Variants in TSPOAP1 observed in about 807,000 individuals in gnomAD.
The protein encoded by TSPOAP1 is TSPO associated protein 1.
TSPOAP1 carries 87 observed loss-of-function variants against 197.0 expected under a neutral mutation model. That is an observed-to-expected ratio of 0.44 (90% CI 0.37 to 0.53). TSPOAP1 has a LOEUF of 0.53. TSPOAP1 is among the 20% of genes least tolerant of loss of function. The pLI, the probability that TSPOAP1 is intolerant of heterozygous loss-of-function variation, is 0.00. For synonymous variants in TSPOAP1, 913 were observed against 998.9 expected (o/e 0.91, Z 1.62); for missense variants, 2,174 against 2,411.3 (o/e 0.90, Z 2.06).
chr17:58,310,223 G>A, intron 20 of TSPOAP1, 65 bp from the exon 21 acceptor site: 1 of 1,511,106 alleles, frequency 6.6e-7, no homozygotes, highest in South Asian at 1.2e-5. Flanking sequence ...GTTCCAGGCA[G>A]GGTCAGCCCC....
At position 58,316,150 on chromosome 17, in the gene TSPOAP1, G is replaced by A. The variant is rs1001381059; in HGVS notation, c.1989-18C>T. The A allele has an allele frequency of 1.4e-6, 2 of 1,419,830 alleles. No individual in the cohort carries two copies. The highest frequency in any genetic ancestry group is 2.0e-6 in the Non-Finnish European group (2 of 1,017,136). The allele number at this position is 1,419,830 out of a possible 1,614,324, so 88.0% of individuals were successfully genotyped here. On this transcript the variant is annotated intron_variant, in intron 15 of 31. Coordinates refer to ENST00000343736, the MANE Select transcript of TSPOAP1 (RefSeq NM_004758.4). ...GGTTGTAGCTGTTAGGGGAGGCACA[G>A]AGGAGGAGGAGGAGAGTGACCTACA...
In TSPOAP1 at chr17:58,309,722, G is replaced by T. The variant is rs1479730397; in HGVS notation, c.3891+245C>A. Among the ~76,000 whole-genome samples, 1 of 152,218 alleles carries T rather than the reference G, an allele frequency of 6.6e-6. No homozygotes were observed. Among genetic ancestry groups the T allele is most frequent in the African/African-American group, 2.4e-5 (1 of 41,442 alleles). On this transcript the variant is annotated intron_variant, in intron 21 of 31. Coordinates refer to ENST00000343736, the MANE Select transcript of TSPOAP1 (RefSeq NM_004758.4). This position sits in a 1 kb window ranked among gnomAD's most constrained non-coding sequence, Gnocchi z 5.0. ...GGTGGCACCGGCCTCCCCTGGCCAGGGCGCTGTATCTGGTGGGCTGGAGGG... is the reference window on the plus strand; with the variant it reads ...GGTGGCACCGGCCTCCCCTGGCCAGTGCGCTGTATCTGGTGGGCTGGAGGG...
chr17:58,302,119 C>G lies in TSPOAP1; in HGVS notation c.*361G>C. 1 of 692,564 alleles carries G rather than the reference C, an allele frequency of 1.4e-6. No individual in the cohort carries two copies. Among genetic ancestry groups the G allele is most frequent in the South Asian group, 1.8e-5 (1 of 54,966 alleles). The allele number at this position is 692,564 out of a possible 1,614,324, so 42.9% of individuals were successfully genotyped here. ...TAAGGAGCCATTTAGCTCTGACCTT[C>G]ACCAAGGCTCTTTGATTCCCTCTGA... On this transcript the variant is annotated 3_prime_UTR_variant, in exon 32 of 32. Coordinates refer to ENST00000343736, the MANE Select transcript of TSPOAP1 (RefSeq NM_004758.4).
rs756794821 is a variant in TSPOAP1 at position 58,325,670 on chromosome 17, C to T, written c.614G>A (p.Cys205Tyr). The part of the protein sequence containing the change: ...LPRPGTSLEL[C>Y]RKALARQRAR... ...TCGCTGGCGGGCTAGGGCCTTCCGA[C>T]ACAACTCCAAGCTGGTCCCCGGCCG... Residue 205 changes from cysteine to tyrosine, a missense_variant, in exon 4 of 32, where the codon TGT becomes TAT. Around this residue, in one of 5 missense-constraint regions of TSPOAP1, gnomAD observed 1,933 missense variants for 2,139.0 expected, o/e 0.90. Coordinates refer to ENST00000343736, the MANE Select transcript of TSPOAP1 (RefSeq NM_004758.4). 3.7e-6 allele frequency: 6 copies of T among 1,612,964 alleles called. No homozygotes were observed. The highest frequency in any genetic ancestry group is 8.5e-7 in the Non-Finnish European group (1 of 1,179,914).
Position 58,308,537 on chromosome 17 carries a change from G to A in TSPOAP1, c.4731+4C>T, listed in dbSNP as rs1384945475. The A allele has an allele frequency of 8.6e-6, 13 of 1,515,756 alleles. No individual in the cohort carries two copies. In the East Asian group the frequency reaches 9.2e-5, roughly 11 times the overall value. The allele number at this position is 1,515,756 out of a possible 1,614,324, so 93.9% of individuals were successfully genotyped here. ...GCTGCCCAGGGCGGGGAGTGAGCACGGACCCGGGAGAGTGGCTCCTTGGCT... is the reference window on the plus strand; with the variant it reads ...GCTGCCCAGGGCGGGGAGTGAGCACAGACCCGGGAGAGTGGCTCCTTGGCT... On this transcript the variant is annotated splice_donor_region_variant and intron_variant, in intron 22 of 31. Transcript: ENST00000343736.
rs1190474586 is a variant in TSPOAP1 at position 58,316,642 on chromosome 17, G to A, written c.1873-102C>T. Reference sequence around the variant, plus strand: ...GCCAGAGGACCTATTGCTTTAAGGAGGGAAAATGAGCACATACATGCTGCA... The same window carrying A: ...GCCAGAGGACCTATTGCTTTAAGGAAGGAAAATGAGCACATACATGCTGCA... On this transcript the variant is annotated intron_variant, in intron 14 of 31. Transcript: ENST00000343736. 2.7e-5 allele frequency: 22 copies of A among 828,466 alleles called. 1 individual carries two copies. Among genetic ancestry groups the A allele is most frequent in the South Asian group, 5.2e-5 (3 of 57,570 alleles). The allele number at this position is 828,466 out of a possible 1,614,324, so 51.3% of individuals were successfully genotyped here. A position where few individuals can be genotyped will look rare whatever the true frequency, so the allele number is the denominator to read the frequency against.
chr17:58,322,112 C>T lies in TSPOAP1; in HGVS notation c.1422+196G>A. 2 of 596,366 alleles carry T rather than the reference C, an allele frequency of 3.4e-6. No homozygotes were observed. Among genetic ancestry groups the T allele is most frequent in the South Asian group, 2.0e-5 (1 of 48,784 alleles). The allele number at this position is 596,366 out of a possible 1,614,324, so 36.9% of individuals were successfully genotyped here. Reference sequence around the variant, plus strand: ...TGTCACATCACCCTGTTCTTCTCCACCACTGTGCTCATCAGTGTCTGAAAT... The same window carrying T: ...TGTCACATCACCCTGTTCTTCTCCATCACTGTGCTCATCAGTGTCTGAAAT... On this transcript the variant is annotated intron_variant, in intron 10 of 31. Transcript: ENST00000343736. This position sits in a 1 kb window ranked among gnomAD's most constrained non-coding sequence, Gnocchi z 5.0.
chr17:58,320,209 G>A, intron 11 of TSPOAP1, 80 bp from the exon 12 acceptor site: 2 of 1,541,720 alleles, frequency 1.3e-6, no homozygotes, highest in African/African-American at 1.4e-5. Context: ...AGGCGGAGAA[G>A]GGGGCCTAAG....
chr17:58,303,572 CA>C lies in TSPOAP1; in HGVS notation c.*32+765del, dbSNP rs1297999307. ...CAGGAGGGAGAGGTTGTTAGGGAAA[CA>C]AAAGGAGGGTGTTTCTGAGCCCCAG... On this transcript the variant is annotated intron_variant, in intron 31 of 31. Coordinates refer to ENST00000343736, the MANE Select transcript of TSPOAP1 (RefSeq NM_004758.4). The C allele has an allele frequency of 2.6e-5, 4 of 152,320 alleles. No homozygotes were observed. In the East Asian group the frequency reaches 7.7e-4, roughly 29 times the overall value. The allele number at this position is 152,320 out of a possible 1,614,324, so 9.4% of individuals were successfully genotyped here. A position where few individuals can be genotyped will look rare whatever the true frequency, so the allele number is the denominator to read the frequency against.
intron 24 of TSPOAP1, 119 bp downstream of exon 24, chr17:58,307,491 TC>T: frequency 7.4e-7 from 1 of 1,342,998 alleles, no homozygotes; most frequent in Non-Finnish European, 1.0e-6. Context: ...ACCCATGTCA[TC>T]TGCTCTAGAA....
chr17:58,327,542 G>A (rs2143172391), intron 1 of TSPOAP1, 46 bp downstream of exon 1: 3 of 1,569,902 alleles, frequency 1.9e-6, no homozygotes, highest in African/African-American at 1.4e-5. Flanking sequence ...AGGACATGGT[G>A]AGAGACCCCC....
chr17:58,316,595 A>G, intron 14 of TSPOAP1, 55 bp from the exon 15 acceptor site: 1 of 1,448,288 alleles, frequency 6.9e-7, no homozygotes, highest in Non-Finnish European at 9.5e-7. Flanking sequence ...CCAAGCGCCA[A>G]GCAGGCAGGT....
At chr17:58,302,560 C>A (rs1289958710) in intron 31 of TSPOAP1, 113 bp from the exon 32 acceptor site, 1 of 729,382 alleles carries the variant, frequency 1.4e-6, no homozygotes, top group Non-Finnish European at 1.8e-6. Flanking sequence ...AGAACCATGG[C>A]TGACGCTGAG....
chr17:58,323,045 C>T lies in TSPOAP1; in HGVS notation c.1105-6G>A, dbSNP rs1226063187. Reference sequence around the variant, plus strand: ...GCTTGTCTCAGCTGCAGTTCCTGAGCGGGCAGAGGAGCTCTCAGGAGGGAG... The same window carrying T: ...GCTTGTCTCAGCTGCAGTTCCTGAGTGGGCAGAGGAGCTCTCAGGAGGGAG... On this transcript the variant is annotated splice_region_variant and splice_polypyrimidine_tract_variant and intron_variant, in intron 7 of 31. Coordinates refer to ENST00000343736, the MANE Select transcript of TSPOAP1 (RefSeq NM_004758.4). 9 of 1,603,342 alleles carry T rather than the reference C, an allele frequency of 5.6e-6. No individual in the cohort carries two copies. Among genetic ancestry groups the T allele is most frequent in the African/African-American group, 1.3e-5 (1 of 74,770 alleles).
At chr17:58,325,872 A>G in intron 3 of TSPOAP1, 159 bp from the exon 4 acceptor site, 1 of 726,952 alleles carries the variant, frequency 1.4e-6, no homozygotes. Context: ...GCCTCACTCT[A>G]CCCCATCCCA....
rs1971596914 is a variant in TSPOAP1, at chr17:58,326,183, G to A, written c.570+110C>T. 2.0e-6 allele frequency: 3 copies of A among 1,506,738 alleles called. No individual in the cohort carries two copies. Among genetic ancestry groups the A allele is most frequent in the Admixed American group, 4.2e-5 (2 of 47,076 alleles). The allele number at this position is 1,506,738 out of a possible 1,614,324, so 93.3% of individuals were successfully genotyped here. On this transcript the variant is annotated intron_variant, in intron 3 of 31. Transcript: ENST00000343736. This position sits in a 1 kb window ranked among gnomAD's most constrained non-coding sequence, Gnocchi z 4.7. ...TAGCCCCTAGATTCTTGCTTTCCTA[G>A]GTGCTGAGCTGAGACCGTGACTCCC...
At chr17:58,316,737 C>A (rs1463954127) in intron 14 of TSPOAP1, among the ~76,000 whole-genome samples, 197 bp from the exon 15 acceptor site, 6 of 152,232 alleles carry the variant, frequency 3.9e-5, no homozygotes, top group Non-Finnish European at 7.3e-5. Context: ...CTGGCAGAGC[C>A]CAGCTGCCCT....
chr17:58,324,930 G>A lies in TSPOAP1; in HGVS notation c.823C>T (p.Leu275=), dbSNP rs1971528700. The A allele has an allele frequency of 6.5e-7, 1 of 1,539,230 alleles. No individual in the cohort carries two copies. The highest frequency in any genetic ancestry group is 8.7e-7 in the Non-Finnish European group (1 of 1,145,726). Residue 275 remains leucine (L), a synonymous_variant, in exon 5 of 32, where the codon CTG becomes TTG. Transcript: ENST00000343736. This position sits in a 1 kb window ranked among gnomAD's most constrained non-coding sequence, Gnocchi z 5.8. Reference sequence around the variant, plus strand: ...TTGCGCAGCGCGATCTGCCTCTGCAGCCGCAGCACCTCCCGCTGGGACTCG... The same window carrying A: ...TTGCGCAGCGCGATCTGCCTCTGCAACCGCAGCACCTCCCGCTGGGACTCG... ...LRESQREVLR[L]QRQIALRNQR...
In TSPOAP1 at chr17:58,305,588, A is replaced by T. The variant is rs1260249462; in HGVS notation, c.5313T>A (p.Ala1771=). The T allele has an allele frequency of 6.4e-7, 1 of 1,573,910 alleles. No homozygotes were observed. Among genetic ancestry groups the T allele is most frequent in the Non-Finnish European group, 8.6e-7 (1 of 1,160,556 alleles). ...ADLKAPHSMV[A]AFDYNPQESS... ...TCTCCTGGGGGTTGTAGTCAAATGC[A>T]GCCACCATGGAGTGGGGAGCTTTCA... The change falls in exon 28 of 32, where the codon GCT becomes GCA. Residue 1771 remains alanine, a synonymous_variant. Transcript: ENST00000343736.
Sources: allele counts gnomAD v4.1 joint callset (sites outside exome capture counted in the v4.1 genomes callset), GRCh38; gene constraint gnomAD v4.1.1; regional missense constraint gnomAD v4.1.1; non-coding constraint Gnocchi (gnomAD v3.1); transcripts MANE v1.5; gene names NCBI Gene and HGNC (gene_info 2026-07-23, HGNC 2026-07-21).